The following CRB1 variants were observed in gnomAD, a reference collection of about 807,000 sequenced individuals.
CRB1 encodes the protein crumbs cell polarity complex component 1, also known as protein crumbs homolog 1.
In CRB1, 83 loss-of-function variants were observed where a neutral mutation model predicts 120.0. That is an observed-to-expected ratio of 0.69 (90% confidence interval 0.58 to 0.83). The LOEUF is 0.83. Ranked by LOEUF, CRB1 falls within the 40% of genes least tolerant of loss-of-function variation. The pLI is 0.00. For missense variants in CRB1, 1,699 were observed against 1,687.6 expected, an observed-to-expected ratio of 1.01 and a Z score of -0.12; for synonymous variants, 625 against 612.5, an observed-to-expected ratio of 1.02 and a Z score of -0.30.
the CRB1 span, among the ~76,000 whole-genome samples, chr1:197,220,544 G>A: frequency 6.6e-6 from 1 of 152,180 alleles, no homozygotes. Context: ...GGGAGCAAAG[G>A]TAACTATTGC....
intron 5 of CRB1, among the ~76,000 whole-genome samples, chr1:197,404,868 T>C (rs1663259944): frequency 6.6e-6 from 1 of 152,214 alleles, no homozygotes; most frequent in South Asian, 2.1e-4. Context: ...ACTACCACTG[T>C]CTAATTCTGT....
In CRB1 at chr1:197,442,223, C is replaced by G. The variant is rs1665481687; in HGVS notation, c.3936C>G (p.Cys1312Trp). The change falls in exon 11 of 12, where the codon TGC (cysteine) becomes TGG (tryptophan). Residue 1312 changes from cysteine (C) to tryptophan (W), a missense_variant. Physicochemically the swap from Cys to Trp is radical, Grantham distance 215. Transcript: ENST00000367400. ...ASDPCVNGGL[C>W]QDLLNKFQCL... ...ATCCGTGTGTCAATGGAGGTCTGTG[C>G]CAGGACTTACTCAACAAATTCCAGT... 6.2e-7 allele frequency: 1 copy of G among 1,613,886 alleles called. No individual in the cohort carries two copies. The highest frequency in any genetic ancestry group is 1.7e-5 in the Admixed American group (1 of 60,002).
upstream of CRB1, among the ~76,000 whole-genome samples, chr1:197,267,149 A>G (rs1213532719): frequency 1.3e-5 from 2 of 152,176 alleles, no homozygotes; most frequent in African/African-American, 4.8e-5. Context: ...TCTCCAATTG[A>G]CAAAACACAG....
At chr1:197,329,905 C>G (rs1373774069) in intron 2 of CRB1, among the ~76,000 whole-genome samples, 1 of 152,146 alleles carries the variant, frequency 6.6e-6, no homozygotes, top group Non-Finnish European at 1.5e-5. Flanking sequence ...TTAGCACTTG[C>G]CGTTTTTGTA....
chr1:197,334,540 C>T (rs149909097), intron 2 of CRB1, among the ~76,000 whole-genome samples: 29 of 152,292 alleles, frequency 1.9e-4, no homozygotes, highest in Non-Finnish European at 2.9e-4. Flanking sequence ...GAACAATGTT[C>T]CTATCCTCTG....
At position 197,325,016 on chromosome 1, in the gene CRB1, C is replaced by T. The variant is rs180823426; in HGVS notation, c.71-3406C>T. 3.7e-4 allele frequency among the ~76,000 whole-genome samples: 56 copies of T among 152,274 alleles called. 1 individual carries two copies. Among genetic ancestry groups the T allele is most frequent in the African/African-American group, 1.7e-4 (7 of 41,564 alleles). On this transcript the variant is annotated intron_variant, in intron 1 of 11. Coordinates refer to ENST00000367400, the MANE Select transcript of CRB1 (RefSeq NM_201253.3). ...AGTACATCAAAGTAAGTGATTTAAC[C>T]AATCATTTGTTCTGCTTGATTTTAT... is the stretch of plus-strand genomic sequence containing the variant.
At chr1:197,352,631 G>A (rs569250996) in intron 4 of CRB1, among the ~76,000 whole-genome samples, 70 of 151,714 alleles carry the variant, frequency 4.6e-4, no homozygotes, top group African/African-American at 1.5e-3. Flanking sequence ...TCTTTGTTGC[G>A]GGGGGTCACT....
Position 197,421,192 on chromosome 1 carries a change from C to A in CRB1, c.1364C>A (p.Thr455Lys). The change falls in exon 6 of 12, where the codon ACA becomes AAA. Residue 455 changes from threonine to lysine, a missense_variant. Thr to Lys is a moderately conservative substitution (Grantham distance 78). Transcript: ENST00000367400. Reference sequence around the variant, plus strand: ...CATCAGCAATGTCTAAATAATGGAACATGCATCCCTCACTTCCAAGATGGC... The same window carrying A: ...CATCAGCAATGTCTAAATAATGGAAAATGCATCCCTCACTTCCAAGATGGC... ...CTHQQCLNNG[T>K]CIPHFQDGQH... The A allele has an allele frequency of 6.2e-7, 1 of 1,614,210 alleles. No individual in the cohort carries two copies. Among genetic ancestry groups the A allele is most frequent in the Non-Finnish European group, 8.5e-7 (1 of 1,180,042 alleles).
intron 1 of CRB1, among the ~76,000 whole-genome samples, chr1:197,319,280 T>TAAAAAAAAAAAA (rs1658041129): frequency 2.9e-5 from 1 of 34,386 alleles, no homozygotes; most frequent in African/African-American, 9.2e-5. Context: ...AAAAAAAAAT[T>TAAAAAAAAAAAA]AGCCGGACGT....
At chr1:197,316,440 C>T (rs1469098622) in intron 1 of CRB1, among the ~76,000 whole-genome samples, 5 of 152,162 alleles carry the variant, frequency 3.3e-5, no homozygotes, top group African/African-American at 7.2e-5. Context: ...GCCTCGGCCT[C>T]CCAAAGTGCT....
At chr1:197,259,702 G>A in the CRB1 span, among the ~76,000 whole-genome samples, 3,310 of 152,114 alleles carry the variant, frequency 0.022, 121 homozygotes, top group African/African-American at 0.075. Flanking sequence ...AAAAAAGAAA[G>A]AAGTATTGAA....
At chr1:197,250,288 C>G in the CRB1 span, among the ~76,000 whole-genome samples, 1,077 of 152,004 alleles carry the variant, frequency 7.1e-3, 11 homozygotes, top group African/African-American at 0.024. Context: ...GCATTATTTT[C>G]TTAATGTTTT....
At chr1:197,443,784 CAG>C (rs1464446687) in intron 11 of CRB1, 5 of 151,520 alleles carry the variant, frequency 3.3e-5, no homozygotes, top group African/African-American at 7.3e-5. Flanking sequence ...ATAAATATTT[CAG>C]AGATTATAAA....
Position 197,329,360 on chromosome 1 carries a change from G to C in CRB1, c.652+357G>C, listed in dbSNP as rs118145547. On this transcript the variant is annotated intron_variant, in intron 2 of 11. Transcript: ENST00000367400. ...CCTGCTTTCTAATCCCCAAAGCCTG[G>C]CACTGCAACCTTCTGGGAAGGCAGT... Among the ~76,000 whole-genome samples the C allele has an allele frequency of 2.0e-5, 3 of 152,248 alleles. No individual in the cohort carries two copies. The East Asian group carries it at 5.8e-4, about 29-fold the overall frequency.
the CRB1 span, among the ~76,000 whole-genome samples, chr1:197,251,159 C>T: frequency 3.3e-5 from 5 of 151,978 alleles, no homozygotes; most frequent in African/African-American, 1.2e-4. Flanking sequence ...ACAGGTCTTC[C>T]CCCACAAGCT....
chr1:197,308,925 T>C (rs1288627962), intron 1 of CRB1, among the ~76,000 whole-genome samples: 1 of 151,276 alleles, frequency 6.6e-6, no homozygotes, highest in Non-Finnish European at 1.5e-5. Context: ...TATATGTGGG[T>C]ATATATACAT....
At position 197,435,180 on chromosome 1, in the gene CRB1, A is replaced by G. The variant is rs115649214; in HGVS notation, c.3317A>G (p.Tyr1106Cys). The G allele has an allele frequency of 8.1e-6, 13 of 1,613,944 alleles. No individual in the cohort carries two copies. The African/African-American group carries it at 9.3e-5, about 12-fold the overall frequency. ...CLSTIEIGGI[Y>C]LSYFENVHGF... ...AGTACAATAGAAATCGGAGGCATTTATCTCTCTTACTTTGAAAATGTTCAT... is the reference window on the plus strand; with the variant it reads ...AGTACAATAGAAATCGGAGGCATTTGTCTCTCTTACTTTGAAAATGTTCAT... The change falls in exon 9 of 12, where the codon TAT becomes TGT. Residue 1106 changes from tyrosine to cysteine, a missense_variant. Physicochemically the swap from Tyr to Cys is radical, Grantham distance 194. Coordinates refer to ENST00000367400, the MANE Select transcript of CRB1 (RefSeq NM_201253.3).
At chr1:197,370,455 A>G (rs1438556066) in intron 5 of CRB1, among the ~76,000 whole-genome samples, 1 of 152,220 alleles carries the variant, frequency 6.6e-6, no homozygotes, top group African/African-American at 2.4e-5. Context: ...GAAATTTTAA[A>G]AAGTAGAAAT....
chr1:197,306,180 C>T (rs1657165066), intron 1 of CRB1, among the ~76,000 whole-genome samples: 1 of 152,094 alleles, frequency 6.6e-6, no homozygotes, highest in Admixed American at 6.5e-5. Context: ...TGGCCAGCAG[C>T]TGCTGAACAC....
Sources: gnomAD v4.1 joint callset for allele counts (sites outside exome capture counted in the v4.1 genomes callset) on GRCh38, gnomAD v4.1.1 for gene constraint, MANE v1.5 for transcripts, NCBI Gene and HGNC (gene_info 2026-07-23, HGNC 2026-07-21) for gene names.